OXR1: variants seen among roughly 807,000 people sequenced by gnomAD.
The protein encoded by OXR1 is oxidation resistance 1.
In OXR1, 41 loss-of-function variants were observed where a neutral mutation model predicts 104.6. That is an observed-to-expected ratio of 0.39 (90% CI 0.31 to 0.51). The LOEUF is 0.51. Among genes scored for constraint, OXR1 ranks in the 20% least tolerant of loss-of-function variants. The pLI is 0.77. For missense variants in OXR1, 955 were observed against 1,031.9 expected, an observed-to-expected ratio of 0.93 and a Z score of 1.02; for synonymous variants, 348 against 348.4, an observed-to-expected ratio of 1.00 and a Z score of 0.01.
chr8:106,548,636 A>G (rs950475440), intron 3 of OXR1, among the ~76,000 whole-genome samples: 1 of 152,172 alleles, frequency 6.6e-6, no homozygotes, highest in African/African-American at 2.4e-5. Context: ...CTCAACAATA[A>G]ATTATAAGCA....
At chr8:106,656,418 TA>T (rs1411020997) in intron 3 of OXR1, 4 of 152,228 alleles carry the variant, frequency 2.6e-5, no homozygotes, top group African/African-American at 9.7e-5. Context: ...ATAAGGGCAC[TA>T]ATCGCATTCA....
At chr8:106,384,682 A>C (rs539015237) in intron 2 of OXR1, among the ~76,000 whole-genome samples, 1 of 152,026 alleles carries the variant, frequency 6.6e-6, no homozygotes, top group South Asian at 2.1e-4. Context: ...AGGATTGTCA[A>C]AAGCATTCAT....
intron 10 of OXR1, among the ~76,000 whole-genome samples, chr8:106,713,225 C>T (rs545815773): frequency 2.6e-5 from 4 of 151,700 alleles, no homozygotes; most frequent in South Asian, 2.1e-4. Context: ...ACCAATAAAA[C>T]GTAGATATTT....
At chr8:106,339,522 A>ATG (rs1815138949) in intron 1 of OXR1, among the ~76,000 whole-genome samples, 1 of 19,304 alleles carries the variant, frequency 5.2e-5, no homozygotes, top group Non-Finnish European at 9.1e-5. Flanking sequence ...AAAAAAAAAT[A>ATG]TATATATATA....
intron 11 of OXR1, among the ~76,000 whole-genome samples, chr8:106,734,838 A>T (rs531611093): frequency 6.6e-6 from 1 of 152,330 alleles, no homozygotes; most frequent in South Asian, 2.1e-4. Flanking sequence ...AGGTCATGGT[A>T]CTTAGTTCCT....
chr8:106,649,678 C>A (rs560158002), intron 3 of OXR1, among the ~76,000 whole-genome samples: 1 of 151,698 alleles, frequency 6.6e-6, no homozygotes, highest in East Asian at 1.9e-4. Context: ...ACATAAAATT[C>A]TAAATATCTG....
intron 11 of OXR1, among the ~76,000 whole-genome samples, chr8:106,725,749 C>A (rs1833272583): frequency 6.6e-6 from 1 of 152,090 alleles, no homozygotes; most frequent in Non-Finnish European, 1.5e-5. Context: ...AAAAAATGTT[C>A]ACATAAAAGA....
At chr8:106,641,718 A>G (rs1482343506) in intron 3 of OXR1, among the ~76,000 whole-genome samples, 1 of 152,184 alleles carries the variant, frequency 6.6e-6, no homozygotes, top group Non-Finnish European at 1.5e-5. Context: ...CTTAGTTCTT[A>G]GAAGAAACAA....
intron 1 of OXR1, among the ~76,000 whole-genome samples, chr8:106,311,612 G>GA (rs954514883): frequency 6.6e-6 from 1 of 152,132 alleles, no homozygotes; most frequent in Non-Finnish European, 1.5e-5. Context: ...CTGGGTGGAG[G>GA]AGGTGTAGTC....
intron 3 of OXR1, among the ~76,000 whole-genome samples, chr8:106,624,966 A>G (rs1822028695): frequency 6.6e-6 from 1 of 151,822 alleles, no homozygotes; most frequent in African/African-American, 2.4e-5. Context: ...TAATTTTTCT[A>G]TTTTTTGTAG....
intron 3 of OXR1, among the ~76,000 whole-genome samples, chr8:106,614,570 T>C (rs1001541694): frequency 3.3e-5 from 5 of 152,208 alleles, no homozygotes; most frequent in Non-Finnish European, 7.3e-5. Context: ...ATTGTATACC[T>C]AGTGGACAGC....
intron 6 of OXR1, among the ~76,000 whole-genome samples, chr8:106,691,986 T>C (rs200157624): frequency 1.2e-3 from 177 of 149,528 alleles, no homozygotes; most frequent in South Asian, 6.7e-3. Context: ...TCTATATATA[T>C]ACACACACAC....
At chr8:106,319,840 C>A (rs1020215196) in intron 1 of OXR1, among the ~76,000 whole-genome samples, 2 of 152,186 alleles carry the variant, frequency 1.3e-5, no homozygotes, top group African/African-American at 4.8e-5. Context: ...GTCAACACAA[C>A]TTTTTGATTA....
intron 2 of OXR1, among the ~76,000 whole-genome samples, chr8:106,442,191 T>G (rs1005587224): frequency 3.5e-4 from 53 of 152,166 alleles, no homozygotes; most frequent in African/African-American, 1.3e-3. Flanking sequence ...TTGTCTTTGG[T>G]TCTGTTTATG....
chr8:106,520,210 T>C (rs571830911), intron 3 of OXR1, among the ~76,000 whole-genome samples: 1 of 151,890 alleles, frequency 6.6e-6, no homozygotes, highest in East Asian at 1.9e-4. Context: ...GAAATCTTTT[T>C]CTTTGATTTT....
chr8:106,552,587 G>C (rs1240876832), intron 3 of OXR1, among the ~76,000 whole-genome samples: 2 of 152,110 alleles, frequency 1.3e-5, no homozygotes, highest in Non-Finnish European at 2.9e-5. Flanking sequence ...TGTAAATTTA[G>C]CTCTTAATTG....
intron 2 of OXR1, among the ~76,000 whole-genome samples, chr8:106,439,601 G>A (rs1819706253): frequency 6.6e-6 from 1 of 151,958 alleles, no homozygotes; most frequent in South Asian, 2.1e-4. Context: ...GAATTCCCAT[G>A]TAGCTAAAGG....
At chr8:106,529,824 TGTCA>T (rs1813959424) in intron 3 of OXR1, among the ~76,000 whole-genome samples, 1 of 152,238 alleles carries the variant, frequency 6.6e-6, no homozygotes, top group Non-Finnish European at 1.5e-5. Context: ...AAATTATATC[TGTCA>T]ATTTATTTAA....
chr8:106,513,596 C>G (rs556046667), intron 2 of OXR1, among the ~76,000 whole-genome samples: 1 of 152,272 alleles, frequency 6.6e-6, no homozygotes, highest in South Asian at 2.1e-4. Context: ...AGTCAAGCCT[C>G]CTTCAAAATG....
Sources: allele counts gnomAD v4.1 joint callset (sites outside exome capture counted in the v4.1 genomes callset), GRCh38; gene constraint gnomAD v4.1.1; transcripts MANE v1.5; gene names NCBI Gene and HGNC (gene_info 2026-07-23, HGNC 2026-07-21).